NBEA: variants seen among roughly 807,000 people sequenced by gnomAD.
NBEA encodes lysosomal-trafficking regulator 2.
In NBEA, 44 loss-of-function variants were observed where a neutral mutation model predicts 343.4. The ratio of observed to expected loss-of-function variants is 0.13; its 90% CI spans 0.10 to 0.16. The LOEUF is 0.16. Ranked by LOEUF, NBEA falls within the 10% of genes least tolerant of loss-of-function variation. The pLI, the probability that NBEA is intolerant of heterozygous loss-of-function variation, is 1.00. For synonymous variants in NBEA, 1,175 were observed against 1,238.7 expected (o/e 0.95, Z 1.08); for missense variants, 2,555 against 3,631.3 (o/e 0.70, Z 7.62).
intron 38 of NBEA, among the ~76,000 whole-genome samples, chr13:35,415,319 C>A (rs2043837966): frequency 6.6e-6 from 1 of 152,110 alleles, no homozygotes; most frequent in Admixed American, 6.6e-5. Flanking sequence ...ATGCCTATGT[C>A]CTGAATGGTA....
intron 1 of NBEA, among the ~76,000 whole-genome samples, chr13:34,975,898 G>T (rs996869201): frequency 2.6e-5 from 4 of 152,142 alleles, no homozygotes; most frequent in African/African-American, 9.7e-5. Context: ...TGCAAGAATG[G>T]CCATATCAAA....
chr13:35,368,040 G>A (rs1258568682), intron 38 of NBEA, among the ~76,000 whole-genome samples: 2 of 151,444 alleles, frequency 1.3e-5, no homozygotes, highest in Admixed American at 6.6e-5. Flanking sequence ...TGTGAATATC[G>A]GTTCCAAGTA....
intron 20 of NBEA, 125 bp from the exon 21 acceptor site, chr13:35,156,953 G>A: frequency 1.6e-6 from 1 of 633,022 alleles, no homozygotes; most frequent in Non-Finnish European, 2.5e-6. Flanking sequence ...CGTGCAGCAT[G>A]ACTGTACACC....
At chr13:35,652,130 A>G (rs995644984) in intron 53 of NBEA, among the ~76,000 whole-genome samples, 12 of 152,086 alleles carry the variant, frequency 7.9e-5, no homozygotes, top group African/African-American at 2.9e-4. Flanking sequence ...TCCAAACTGT[A>G]TTTTCTTTCA....
chr13:35,214,139 C>G (rs1205122765), intron 33 of NBEA, among the ~76,000 whole-genome samples: 1 of 151,822 alleles, frequency 6.6e-6, no homozygotes, highest in Non-Finnish European at 1.5e-5. Flanking sequence ...ATCTACTCTT[C>G]TTTTCACCTG....
chr13:35,614,006 C>T (rs2082631776), intron 48 of NBEA, among the ~76,000 whole-genome samples: 1 of 152,158 alleles, frequency 6.6e-6, no homozygotes, highest in Admixed American at 6.5e-5. Context: ...ACATCTTTGC[C>T]AACACTTATC....
At chr13:35,232,124 A>T (rs1241843417) in intron 33 of NBEA, among the ~76,000 whole-genome samples, 2 of 152,162 alleles carry the variant, frequency 1.3e-5, no homozygotes, top group African/African-American at 4.8e-5. Context: ...AATTATTTGT[A>T]ACTGGCACAG....
At chr13:35,154,957 T>C (rs2069057463) in intron 18 of NBEA, among the ~76,000 whole-genome samples, 1 of 151,484 alleles carries the variant, frequency 6.6e-6, no homozygotes, top group South Asian at 2.1e-4. Context: ...GGACCCCATC[T>C]TTACCAAAAA....
At chr13:35,662,291 G>A (rs9544930) in intron 55 of NBEA, among the ~76,000 whole-genome samples, 17,299 of 152,190 alleles carry the variant, frequency 0.11, 1,153 homozygotes, top group South Asian at 0.16. Context: ...TCCAGCACAC[G>A]GTGAGTGCTT....
intron 34 of NBEA, among the ~76,000 whole-genome samples, chr13:35,280,132 G>GT (rs1239795196): frequency 6.6e-6 from 1 of 152,118 alleles, no homozygotes; most frequent in Non-Finnish European, 1.5e-5. Context: ...TCTGTACTCA[G>GT]TAGGATTGTT....
At position 35,404,885 on chromosome 13, in the gene NBEA, TA is replaced by T. The variant is rs1473070144; in HGVS notation, c.6180-27382del. 2.6e-5 allele frequency among the ~76,000 whole-genome samples: 4 copies of T among 152,242 alleles called. No homozygotes were observed. The East Asian group carries it at 7.7e-4, about 29-fold the overall frequency. On this transcript the variant is annotated intron_variant, in intron 38 of 58. Transcript: ENST00000379939. ...AACATAGCAAAGAAGAATACACAATTAATTGCCAATTCGATAAGCATTAAAA... is the reference window on the plus strand; with the variant it reads ...AACATAGCAAAGAAGAATACACAATTATTGCCAATTCGATAAGCATTAAAA...
chr13:35,308,610 A>ATATATGTATATATGTG (rs1243851172), intron 35 of NBEA, among the ~76,000 whole-genome samples: 1 of 131,496 alleles, frequency 7.6e-6, no homozygotes, highest in African/African-American at 2.9e-5. Context: ...GTATATATGT[A>ATATATGTATATATGTG]TATATATATG....
At chr13:35,321,031 T>G (rs2038100954) in intron 36 of NBEA, among the ~76,000 whole-genome samples, 1 of 152,078 alleles carries the variant, frequency 6.6e-6, no homozygotes, top group African/African-American at 2.4e-5. Context: ...TTGCACTGGG[T>G]TAGAAAATGC....
intron 41 of NBEA, among the ~76,000 whole-genome samples, chr13:35,545,901 T>A (rs1421982380): frequency 5.3e-4 from 80 of 152,182 alleles, no homozygotes; most frequent in Admixed American, 5.2e-3. Flanking sequence ...GACTATACCA[T>A]TAGGACATAA....
At chr13:35,222,173 TC>T (rs142314546) in intron 33 of NBEA, among the ~76,000 whole-genome samples, 9,915 of 152,100 alleles carry the variant, frequency 0.065, 327 homozygotes, top group African/African-American at 0.082. Context: ...TTATGTCAGA[TC>T]CATTCCTTCT....
intron 18 of NBEA, among the ~76,000 whole-genome samples, chr13:35,150,831 G>GAGTAGAGTAGAGTAGAGTAGAGTAGAGTA (rs1555320215): frequency 6.6e-6 from 1 of 151,598 alleles, no homozygotes; most frequent in African/African-American, 2.4e-5. Flanking sequence ...GAGTAGAGTA[G>GAGTAGAGTAGAGTAGAGTAGAGTAGAGTA]GAGGCCAGGC....
Position 35,645,826 on chromosome 13 carries a change from A to G in NBEA, c.7618-43A>G, listed in dbSNP as rs761101236. ...TAACTTTCTGAATTTTATTTTGTAT[A>G]ATTGGTAGACTTCATGTCTCATTCT... On this transcript the variant is annotated intron_variant, in intron 49 of 58. Coordinates refer to ENST00000379939, the MANE Select transcript of NBEA (RefSeq NM_001385012.1). 23 of 1,234,528 alleles carry G rather than the reference A, an allele frequency of 1.9e-5. No individual in the cohort carries two copies. In the South Asian group the frequency reaches 2.6e-4, roughly 14 times the overall value. The allele number at this position is 1,234,528 out of a possible 1,614,324, so 76.5% of individuals were successfully genotyped here.
intron 55 of NBEA, among the ~76,000 whole-genome samples, chr13:35,664,884 A>G (rs1369775800): frequency 6.6e-6 from 1 of 152,270 alleles, no homozygotes; most frequent in Non-Finnish European, 1.5e-5. Context: ...TGTCATCTAA[A>G]CAGCATGTAT....
chr13:35,081,800 A>G (rs2064417229), intron 10 of NBEA, among the ~76,000 whole-genome samples: 1 of 152,160 alleles, frequency 6.6e-6, no homozygotes, highest in Non-Finnish European at 1.5e-5. Context: ...GATTAAAAAT[A>G]CTTTGCGAAA....
Sources: allele counts gnomAD v4.1 joint callset (sites outside exome capture counted in the v4.1 genomes callset), GRCh38; gene constraint gnomAD v4.1.1; transcripts MANE v1.5; gene names NCBI Gene and HGNC (gene_info 2026-07-23, HGNC 2026-07-21).